The following POU2F3 variants were observed in gnomAD, a reference collection of about 807,000 sequenced individuals.
POU2F3 encodes POU domain, class 2, transcription factor 3.
POU2F3 carries 23 observed loss-of-function variants against 59.2 expected under a neutral mutation model. The ratio of observed to expected loss-of-function variants is 0.39; its 90% CI spans 0.28 to 0.55. The LOEUF (loss-of-function observed/expected upper bound fraction) is 0.55, where lower values mean the gene tolerates loss of function less well. POU2F3 is among the 20% of genes least tolerant of loss of function. The probability of loss-of-function intolerance (pLI) is 0.66; values close to 1 mark genes in which losing one functional copy is unlikely to be tolerated. For missense variants in POU2F3, 473 were observed against 544.5 expected (o/e 0.87, Z 1.31); for synonymous variants, 190 against 214.6 (o/e 0.89, Z 1.00).
At chr11:120,299,506 G>T in intron 4 of POU2F3, 118 bp from the exon 5 acceptor site, 2 of 785,640 alleles carry the variant, frequency 2.5e-6, no homozygotes, top group Non-Finnish European at 4.1e-6. Flanking sequence ...CATAAACCAA[G>T]GTCAGCCTGC....
chr11:120,277,679 G>C (rs1048588258), intron 3 of POU2F3, among the ~76,000 whole-genome samples: 17 of 152,092 alleles, frequency 1.1e-4, no homozygotes, highest in African/African-American at 3.9e-4. Context: ...CTACTCAGGA[G>C]GGTGAGGCAC....
intron 2 of POU2F3, among the ~76,000 whole-genome samples, chr11:120,262,148 T>G (rs1939623925): frequency 6.6e-6 from 1 of 152,214 alleles, no homozygotes; most frequent in Non-Finnish European, 1.5e-5. Flanking sequence ...CAGGGCCAGG[T>G]GCTTTCAAAT....
intron 3 of POU2F3, among the ~76,000 whole-genome samples, chr11:120,277,304 T>A (rs1004678275): frequency 6.6e-6 from 1 of 150,708 alleles, no homozygotes; most frequent in Non-Finnish European, 1.5e-5. Context: ...AAATAAAAAA[T>A]AAAAAAATTT....
chr11:120,258,935 G>A (rs1312766557), intron 2 of POU2F3: 1 of 152,232 alleles, frequency 6.6e-6, no homozygotes, highest in Non-Finnish European at 1.5e-5. Flanking sequence ...GAGAAGAAAT[G>A]TGGGTTGTAT....
At chr11:120,297,351 C>T (rs1941219731) in intron 3 of POU2F3, among the ~76,000 whole-genome samples, 2 of 152,164 alleles carry the variant, frequency 1.3e-5, no homozygotes, top group African/African-American at 4.8e-5. Flanking sequence ...GTGGTGGAGA[C>T]TGGAGAGAGG....
intron 3 of POU2F3, among the ~76,000 whole-genome samples, chr11:120,297,688 G>A (rs538400911): frequency 6.6e-6 from 1 of 152,106 alleles, no homozygotes; most frequent in Non-Finnish European, 1.5e-5. Flanking sequence ...ATGCCATTTA[G>A]GATCACTATC....
chr11:120,260,807 C>T (rs997681178), intron 2 of POU2F3, among the ~76,000 whole-genome samples: 3 of 152,172 alleles, frequency 2.0e-5, no homozygotes, highest in South Asian at 2.1e-4. Context: ...GTGACTCATG[C>T]CTGTAATCCC....
At position 120,285,391 on chromosome 11, in the gene POU2F3, T is replaced by G. The variant is rs150588536; in HGVS notation, c.133-12874T>G. ...TCTTGGTCACTCTGCCCGCTTCTGT[T>G]TCAGGGCCTGTGTCTGTCCCAATCA... On this transcript the variant is annotated intron_variant, in intron 3 of 12. Coordinates refer to ENST00000543440, the MANE Select transcript of POU2F3 (RefSeq NM_014352.4). This position sits in a 1 kb window ranked among gnomAD's most constrained non-coding sequence, Gnocchi z 4.3. Among the ~76,000 whole-genome samples the G allele has an allele frequency of 8.9e-3, 1,355 of 152,262 alleles. 7 individuals are homozygous for G. The highest frequency in any genetic ancestry group is 0.014 in the Non-Finnish European group (981 of 68,024).
At chr11:120,308,627 A>G (rs975320637) in intron 9 of POU2F3, among the ~76,000 whole-genome samples, 2 of 152,020 alleles carry the variant, frequency 1.3e-5, no homozygotes, top group Non-Finnish European at 2.9e-5. Flanking sequence ...CTGCTTTGAG[A>G]CAGGAGGACA....
intron 1 of POU2F3, among the ~76,000 whole-genome samples, chr11:120,242,003 C>T (rs889217245): frequency 2.0e-5 from 3 of 152,150 alleles, no homozygotes; most frequent in Admixed American, 6.5e-5. Flanking sequence ...CAGGTATTCC[C>T]GACACATGGG....
At chr11:120,264,576 G>T (rs967226167) in intron 2 of POU2F3, among the ~76,000 whole-genome samples, 1 of 152,078 alleles carries the variant, frequency 6.6e-6, no homozygotes, top group East Asian at 1.9e-4. Context: ...TCCACCTTTT[G>T]GGGGGGTGGT....
At chr11:120,263,998 C>T (rs1939716879) in intron 2 of POU2F3, among the ~76,000 whole-genome samples, 1 of 152,162 alleles carries the variant, frequency 6.6e-6, no homozygotes, top group Non-Finnish European at 1.5e-5. Context: ...GATATAATAA[C>T]CCTGGCCTCT....
chr11:120,306,957 C>T (rs1342982336), intron 8 of POU2F3, among the ~76,000 whole-genome samples: 1 of 152,246 alleles, frequency 6.6e-6, no homozygotes, highest in African/African-American at 2.4e-5. Flanking sequence ...CCTCCTATGG[C>T]CCCTACAGCC....
intron 3 of POU2F3, among the ~76,000 whole-genome samples, chr11:120,273,107 G>A (rs1030654241): frequency 1.3e-5 from 2 of 152,206 alleles, no homozygotes; most frequent in African/African-American, 4.8e-5. Context: ...CCCTTGAGCT[G>A]TAGAGAGTGA....
rs115125144 is a variant in POU2F3 at position 120,262,901 on chromosome 11, C to T, written c.98-6309C>T. Among the ~76,000 whole-genome samples, 1,035 of 151,852 alleles carry T rather than the reference C, an allele frequency of 6.8e-3. 10 individuals carry two copies. Among genetic ancestry groups the T allele is most frequent in the Middle Eastern group, 0.017 (5 of 292 alleles). On this transcript the variant is annotated intron_variant, in intron 2 of 12. Transcript: ENST00000543440. ...GGTTGGCTTTTTTATATTTTTCTAT[C>T]GTGGTAAAAAATGCATAACATAAAA...
At chr11:120,244,260 TC>T (rs752688805) in intron 1 of POU2F3, among the ~76,000 whole-genome samples, 10 of 152,118 alleles carry the variant, frequency 6.6e-5, no homozygotes, top group Non-Finnish European at 1.3e-4. Flanking sequence ...CCAAAGCTAT[TC>T]CTTATAATGG....
chr11:120,277,978 G>A (rs1940404182), intron 3 of POU2F3, among the ~76,000 whole-genome samples: 1 of 152,102 alleles, frequency 6.6e-6, no homozygotes, highest in Non-Finnish European at 1.5e-5. Flanking sequence ...GGCTGATATT[G>A]GTATGCTATC....
chr11:120,260,199 C>G (rs561922162), intron 2 of POU2F3, among the ~76,000 whole-genome samples: 21 of 152,256 alleles, frequency 1.4e-4, no homozygotes, highest in Non-Finnish European at 2.9e-4. Context: ...GCTTCCACCT[C>G]CCTCACCCAG....
At chr11:120,291,444 A>G (rs1431902188) in intron 3 of POU2F3, among the ~76,000 whole-genome samples, 1 of 152,230 alleles carries the variant, frequency 6.6e-6, no homozygotes, top group Non-Finnish European at 1.5e-5. Flanking sequence ...CATACTGTAA[A>G]ATGAACCAGG....
Sources: allele counts gnomAD v4.1 joint callset (sites outside exome capture counted in the v4.1 genomes callset), GRCh38; gene constraint gnomAD v4.1.1; non-coding constraint Gnocchi (gnomAD v3.1); transcripts MANE v1.5; gene names NCBI Gene and HGNC (gene_info 2026-07-23, HGNC 2026-07-21).